The following VILL variants were observed in gnomAD, a reference collection of about 807,000 sequenced individuals.
The protein encoded by VILL is villin-like protein.
VILL carries 102 observed loss-of-function variants against 106.3 expected under a neutral mutation model. The ratio of observed to expected loss-of-function variants is 0.96; its 90% CI spans 0.82 to 1.13. VILL has a LOEUF of 1.13. Ranked by LOEUF, VILL falls within the 50% of genes most tolerant of loss-of-function variation. VILL has a pLI of 0.00. For synonymous variants in VILL, 431 were observed against 440.3 expected, an observed-to-expected ratio of 0.98 and a Z score of 0.27; for missense variants, 1,076 against 1,116.6, an observed-to-expected ratio of 0.96 and a Z score of 0.52.
Position 37,997,948 on chromosome 3 carries a change from TA to T in VILL, c.765-138del. 1.2e-6 allele frequency: 1 copy of T among 863,160 alleles called. No individual in the cohort carries two copies. Among genetic ancestry groups the T allele is most frequent in the Non-Finnish European group, 1.7e-6 (1 of 571,520 alleles). 53.5% of individuals were successfully genotyped at this position (863,160 alleles called of 1,614,324 possible). On this transcript the variant is annotated intron_variant, in intron 7 of 19. Coordinates refer to ENST00000383759, the MANE Select transcript of VILL (RefSeq NM_015873.4). The surrounding 1 kb of genome is among the most constrained non-coding windows in gnomAD (Gnocchi z 4.7). ...CTAAAGCTCCACAGCAAGGCTGCAGTAAAAGTGAAGACTACAACTCGGGGCC... is the reference window on the plus strand; with the variant it reads ...CTAAAGCTCCACAGCAAGGCTGCAGTAAAGTGAAGACTACAACTCGGGGCC...
At chr3:37,989,923 C>T (rs1699589740), upstream of VILL, among the ~76,000 whole-genome samples, 1 of 152,208 alleles carries the variant, frequency 6.6e-6, no homozygotes, top group Admixed American at 6.5e-5. Context: ...CAGACTGCCC[C>T]CGAGTCCCCA....
At chr3:37,994,034 G>A (rs984358740) in intron 3 of VILL, 62 bp downstream of exon 3, 1 of 1,591,724 alleles carries the variant, frequency 6.3e-7, no homozygotes, top group Non-Finnish European at 8.6e-7. Flanking sequence ...GGGAGACTGA[G>A]GCACAGGCAT....
intron 15 of VILL, chr3:38,003,919 T>C: frequency 4.1e-6 from 1 of 246,558 alleles, no homozygotes; most frequent in Non-Finnish European, 8.0e-6. Flanking sequence ...GCCGGAGACC[T>C]ACTCTCTGCC....
Position 37,997,471 on chromosome 3 carries a change from C to G in VILL, c.562-12C>G. On this transcript the variant is annotated splice_polypyrimidine_tract_variant and intron_variant, in intron 6 of 19. Coordinates refer to ENST00000383759, the MANE Select transcript of VILL (RefSeq NM_015873.4). This position sits in a 1 kb window ranked among gnomAD's most constrained non-coding sequence, Gnocchi z 4.7. ...ACTGGTGACACCCTGACTCCCAGGT[C>G]CTCTCCCGCAGGGGCTGGCTTTGAC... 6.2e-7 allele frequency: 1 copy of G among 1,612,762 alleles called. No individual in the cohort carries two copies. The highest frequency in any genetic ancestry group is 8.5e-7 in the Non-Finnish European group (1 of 1,179,896).
chr3:37,998,759 C>A lies in VILL; in HGVS notation c.943-153C>A, dbSNP rs534374855. Reference sequence around the variant, plus strand: ...CTGCCCTCAGGGACCTCAGAGAAGTCGGTGGTGACAGAGTCAATTCGCTAA... The same window carrying A: ...CTGCCCTCAGGGACCTCAGAGAAGTAGGTGGTGACAGAGTCAATTCGCTAA... On this transcript the variant is annotated intron_variant, in intron 9 of 19. Transcript: ENST00000383759. The surrounding 1 kb of genome is among the most constrained non-coding windows in gnomAD (Gnocchi z 4.1). Among the ~76,000 whole-genome samples the A allele has an allele frequency of 1.3e-5, 2 of 152,226 alleles. No individual in the cohort carries two copies. The highest frequency in any genetic ancestry group is 4.8e-5 in the African/African-American group (2 of 41,546).
At chr3:38,002,689 G>T (rs1229026761) in intron 14 of VILL, 114 bp downstream of exon 14, 8 of 1,236,832 alleles carry the variant, frequency 6.5e-6, no homozygotes, top group Admixed American at 2.3e-5. Context: ...TAGGCCGATG[G>T]GGGGAATGGG....
Position 38,005,911 on chromosome 3 carries a change from G to T in VILL, c.2070G>T (p.Lys690Asn), listed in dbSNP as rs1193968541. Residue 690 changes from lysine to asparagine, a missense_variant, in exon 17 of 20, where the codon AAG (lysine) becomes AAT (asparagine). By Grantham distance (94) the Lys-to-Asn change is moderately conservative. Coordinates refer to ENST00000383759, the MANE Select transcript of VILL (RefSeq NM_015873.4). ...RSPATPIVLV[K>N]QGHEPPTFIG... ...CGGCCACACCCATCGTGCTGGTCAAGCAGGGCCATGAGCCTCCCACCTTCA... is the reference window on the plus strand; with the variant it reads ...CGGCCACACCCATCGTGCTGGTCAATCAGGGCCATGAGCCTCCCACCTTCA... The T allele has an allele frequency of 8.1e-6, 13 of 1,614,050 alleles. No individual in the cohort carries two copies. The highest frequency in any genetic ancestry group is 1.1e-5 in the Non-Finnish European group (13 of 1,180,012).
chr3:38,007,078 C>T lies in VILL; in HGVS notation c.*23C>T. ...TGAACCCAAGCCCTCTCGACTGCCC[C>T]TATCCCCTGGACCCCAACATACCTA... On this transcript the variant is annotated 3_prime_UTR_variant, in exon 20 of 20. Transcript: ENST00000383759. 6.3e-7 allele frequency: 1 copy of T among 1,597,114 alleles called. No homozygotes were observed.
chr3:37,996,016 C>T (rs1699694316), intron 5 of VILL, among the ~76,000 whole-genome samples, 169 bp downstream of exon 5: 2 of 152,198 alleles, frequency 1.3e-5, no homozygotes, highest in Admixed American at 1.3e-4. Context: ...TCTAGCCCCA[C>T]TTCTGCCACT....
At chr3:37,999,150 C>A in intron 10 of VILL, 100 bp downstream of exon 10, 1 of 127,540 alleles carries the variant, frequency 7.8e-6, no homozygotes, top group South Asian at 2.3e-4. Context: ...GCGGGCGGGG[C>A]GGGGCCGGAG....
Position 37,999,351 on chromosome 3 carries a change from A to G in VILL, c.1094A>G (p.His365Arg), listed in dbSNP as rs1034735844. 4.0e-6 allele frequency: 6 copies of G among 1,515,960 alleles called. No homozygotes were observed. Among genetic ancestry groups the G allele is most frequent in the African/African-American group, 2.9e-5 (2 of 69,166 alleles). 93.9% of individuals were successfully genotyped at this position (1,515,960 alleles called of 1,614,324 possible). ...QKLGGRDKSI[H>R]VKLDVGKLHT... ...GTCCCCCCTTCAGATAAATCGATTC[A>G]TGTAAAGCTGGACGTGGGCAAGCTG... The change falls in exon 11 of 20, where the codon CAT (histidine) becomes CGT (arginine). Residue 365 changes from histidine (H) to arginine (R), a missense_variant. Transcript: ENST00000383759.
chr3:38,003,158 T>C lies in VILL; in HGVS notation c.1660-10T>C. ...TCATGCAGGGCCTGAGCCATCTCTT[T>C]GCCTGCTAGGGCTGTAATGGTGATC... On this transcript the variant is annotated splice_polypyrimidine_tract_variant and intron_variant, in intron 14 of 19. Transcript: ENST00000383759. 1 of 1,613,300 alleles carries C rather than the reference T, an allele frequency of 6.2e-7. No homozygotes were observed. Among genetic ancestry groups the C allele is most frequent in the Non-Finnish European group, 8.5e-7 (1 of 1,179,660 alleles).
chr3:37,999,360 T>A lies in VILL; in HGVS notation c.1103T>A (p.Leu368Gln). 4 of 1,514,926 alleles carry A rather than the reference T, an allele frequency of 2.6e-6. No homozygotes were observed. Among genetic ancestry groups the A allele is most frequent in the Non-Finnish European group, 3.5e-6 (4 of 1,134,448 alleles). 93.8% of individuals were successfully genotyped at this position (1,514,926 alleles called of 1,614,324 possible). A position where few individuals can be genotyped will look rare whatever the true frequency, so the allele number is the denominator to read the frequency against. Reference protein sequence around the residue: ...GGRDKSIHVKLDVGKLHTQPK... With the variant: ...GGRDKSIHVKQDVGKLHTQPK... Reference sequence around the variant, plus strand: ...TCAGATAAATCGATTCATGTAAAGCTGGACGTGGGCAAGCTGCACACCCAG... The same window carrying A: ...TCAGATAAATCGATTCATGTAAAGCAGGACGTGGGCAAGCTGCACACCCAG... The change falls in exon 11 of 20, where the codon CTG becomes CAG. Residue 368 changes from leucine to glutamine, a missense_variant. Coordinates refer to ENST00000383759, the MANE Select transcript of VILL (RefSeq NM_015873.4).
chr3:37,995,919 T>G (rs1181668573), intron 5 of VILL, 72 bp downstream of exon 5: 2 of 1,311,614 alleles, frequency 1.5e-6, no homozygotes, highest in Admixed American at 1.8e-5. Context: ...ATAAGGAGGT[T>G]GGAAATTGGC....
In VILL at chr3:38,006,776, T is replaced by C. The variant is rs997430039; in HGVS notation, c.2457+76T>C. The C allele has an allele frequency of 3.2e-6, 5 of 1,542,034 alleles. No individual in the cohort carries two copies. The African/African-American group carries it at 6.8e-5, about 21-fold the overall frequency. On this transcript the variant is annotated intron_variant, in intron 19 of 19. Coordinates refer to ENST00000383759, the MANE Select transcript of VILL (RefSeq NM_015873.4). ...AGGAGCCCAAGGCAGGATCCACTGG[T>C]GGCGGGCAGTGGGCAACTGCCCCGG...
chr3:37,999,974 C>T (rs931414558), intron 11 of VILL, among the ~76,000 whole-genome samples: 4 of 152,266 alleles, frequency 2.6e-5, no homozygotes, highest in Non-Finnish European at 5.9e-5. Flanking sequence ...CAGTGTCCTG[C>T]GAGACGCAGG....
chr3:37,997,441 G>C lies in VILL; in HGVS notation c.562-42G>C, dbSNP rs73060813. 0.044 allele frequency: 70,430 copies of C among 1,600,424 alleles called. 1,684 individuals are homozygous for C. The highest frequency in any genetic ancestry group is 0.058 in the Middle Eastern group (300 of 5,152). ...ACAGGAGAAGTCTCTGCTGTGAGAG[G>C]GCACACTGGTGACACCCTGACTCCC... On this transcript the variant is annotated intron_variant, in intron 6 of 19. Transcript: ENST00000383759. The surrounding 1 kb of genome is among the most constrained non-coding windows in gnomAD (Gnocchi z 4.7).
At chr3:38,006,007 T>C in intron 17 of VILL, 33 bp downstream of exon 17, 1 of 1,595,846 alleles carries the variant, frequency 6.3e-7, no homozygotes, top group South Asian at 1.1e-5. Context: ...AGCCCTACCC[T>C]AATTTGTGGG....
chr3:37,999,545 C>T, intron 11 of VILL, 106 bp downstream of exon 11: 1 of 828,344 alleles, frequency 1.2e-6, no homozygotes, highest in Non-Finnish European at 1.8e-6. Context: ...TGCACATCCA[C>T]ACACAATCAG....
Sources: gnomAD v4.1 joint callset for allele counts (sites outside exome capture counted in the v4.1 genomes callset) on GRCh38, gnomAD v4.1.1 for gene constraint, Gnocchi (gnomAD v3.1) non-coding constraint, MANE v1.5 for transcripts, NCBI Gene and HGNC (gene_info 2026-07-23, HGNC 2026-07-21) for gene names.